Variants in CNR1 observed in about 807,000 individuals in gnomAD.
The protein encoded by CNR1 is cannabinoid receptor 1, also known as cannabinoid receptor 1 (brain).
CNR1 carries 10 observed loss-of-function variants against 23.0 expected under a neutral mutation model. The observed-to-expected ratio is 0.43, with a 90% CI of 0.27 to 0.74. CNR1 has a LOEUF of 0.74. Among genes scored for constraint, CNR1 ranks in the 30% least tolerant of loss-of-function variants. CNR1 has a pLI of 0.19. For synonymous variants in CNR1, 271 were observed against 255.2 expected (o/e 1.06, Z -0.59); for missense variants, 422 against 618.8 (o/e 0.68, Z 3.37).
Position 88,160,178 on chromosome 6 carries a change from A to T in CNR1, c.-64+5625T>A, listed in dbSNP as rs566239754. ...CCCCGTCTGCACGAAAAATACAAAA[A>T]TTAGCCGGGCATGGTAGCATGAGAA... On this transcript the variant is annotated intron_variant, in intron 1 of 1. Coordinates refer to ENST00000369501, the MANE Select transcript of CNR1 (RefSeq NM_016083.6). Among the ~76,000 whole-genome samples the T allele has an allele frequency of 3.5e-3, 526 of 152,188 alleles. 3 individuals are homozygous for T. The highest frequency in any genetic ancestry group is 6.1e-3 in the Non-Finnish European group (413 of 68,002).
At chr6:88,147,071 T>C (rs934154188) in intron 1 of CNR1, among the ~76,000 whole-genome samples, 1 of 152,054 alleles carries the variant, frequency 6.6e-6, no homozygotes, top group Non-Finnish European at 1.5e-5. Flanking sequence ...GGTGGGCATA[T>C]CACGAAGTCA....
chr6:88,143,762 TTA>T lies in CNR1; in HGVS notation c.*92_*93del. ...CACCTTTTCATTGAGCATGGTAAAG[TTA>T]AAAAAATATAACCAAGGAGACAATA... On this transcript the variant is annotated 3_prime_UTR_variant, in exon 2 of 2. Transcript: ENST00000369501. 1 of 901,244 alleles carries T rather than the reference TTA, an allele frequency of 1.1e-6. No individual in the cohort carries two copies. Among genetic ancestry groups the T allele is most frequent in the Non-Finnish European group, 1.7e-6 (1 of 579,282 alleles). The allele number at this position is 901,244 out of a possible 1,614,324, so 55.8% of individuals were successfully genotyped here.
intron 1 of CNR1, among the ~76,000 whole-genome samples, chr6:88,152,351 T>A (rs1290381915): frequency 6.6e-6 from 1 of 152,152 alleles, no homozygotes; most frequent in African/African-American, 2.4e-5. Flanking sequence ...ACCTAAAGAT[T>A]AAAATTTAGT....
chr6:88,153,760 A>T (rs543498569), intron 1 of CNR1, among the ~76,000 whole-genome samples: 6 of 152,224 alleles, frequency 3.9e-5, no homozygotes, highest in Admixed American at 1.3e-4. Flanking sequence ...TAGTAGGGAA[A>T]ATTTTAGTCG....
At chr6:88,145,659 G>C (rs1303021638) in intron 1 of CNR1, among the ~76,000 whole-genome samples, 1 of 152,158 alleles carries the variant, frequency 6.6e-6, no homozygotes, top group Non-Finnish European at 1.5e-5. Flanking sequence ...TGTTTCTTGG[G>C]GACAATGTCC....
At chr6:88,165,326 A>T (rs1778313485) in intron 1 of CNR1, among the ~76,000 whole-genome samples, 1 of 152,214 alleles carries the variant, frequency 6.6e-6, no homozygotes, top group Non-Finnish European at 1.5e-5. Context: ...TTACATGGAC[A>T]TTTGTTTTTC....
rs570863320 is a variant in CNR1, at chr6:88,140,073, T to C, written c.*3783A>G. ...TGACTGAAGCTACATTTAATAACAATCTTACCAGTACTTGTATACAAAGTA... is the reference window on the plus strand; with the variant it reads ...TGACTGAAGCTACATTTAATAACAACCTTACCAGTACTTGTATACAAAGTA... On this transcript the variant is annotated 3_prime_UTR_variant, in exon 2 of 2. Transcript: ENST00000369501. 6.5e-6 allele frequency: 1 copy of C among 152,886 alleles called. No individual in the cohort carries two copies. Among genetic ancestry groups the C allele is most frequent in the South Asian group, 2.1e-4 (1 of 4,822 alleles). The allele number at this position is 152,886 out of a possible 1,614,324, so 9.5% of individuals were successfully genotyped here.
rs1202356775 is a variant in CNR1 at position 88,145,107 on chromosome 6, A to G, written c.168T>C (p.Ser56=). 1.2e-6 allele frequency: 2 copies of G among 1,614,076 alleles called. No individual in the cohort carries two copies. Among genetic ancestry groups the G allele is most frequent in the African/African-American group, 2.7e-5 (2 of 74,992 alleles). Residue 56 remains serine, a synonymous_variant, in exon 2 of 2, where the codon AGT becomes AGC. Transcript: ENST00000369501. ...QKFPLTSFRG[S]PFQEKMTAGD... ...CCGCAGTCATCTTCTCTTGGAAGGG[A>G]CTTCCCCTAAAGGAAGTTAAAGGGA...
chr6:88,148,751 A>G (rs1390680840), intron 1 of CNR1, among the ~76,000 whole-genome samples: 1 of 152,222 alleles, frequency 6.6e-6, no homozygotes, highest in Non-Finnish European at 1.5e-5. Flanking sequence ...GAGGCAAACA[A>G]GAATATTGGC....
intron 1 of CNR1, 103 bp from the exon 2 acceptor site, chr6:88,145,440 C>T (rs1777129014): frequency 1.6e-6 from 1 of 619,070 alleles, no homozygotes; most frequent in African/African-American, 1.8e-5. Flanking sequence ...GCAACTCATT[C>T]CTGTCTCTGA....
At chr6:88,146,842 T>A (rs1293479652) in intron 1 of CNR1, among the ~76,000 whole-genome samples, 2 of 152,208 alleles carry the variant, frequency 1.3e-5, no homozygotes, top group Non-Finnish European at 2.9e-5. Flanking sequence ...TTTAAAAATG[T>A]TGAACTAACA....
chr6:88,154,660 C>A (rs1354887939), intron 1 of CNR1, among the ~76,000 whole-genome samples: 1 of 152,044 alleles, frequency 6.6e-6, no homozygotes. Flanking sequence ...ATCACTGCAA[C>A]CTCCACCTCC....
intron 1 of CNR1, among the ~76,000 whole-genome samples, chr6:88,153,785 A>G (rs1032377596): frequency 1.3e-5 from 2 of 152,242 alleles, no homozygotes; most frequent in African/African-American, 4.8e-5. Context: ...TTATAACTGC[A>G]TTATGTCTAA....
chr6:88,166,386 C>T (rs1189038136), upstream of CNR1: 1 of 152,296 alleles, frequency 6.6e-6, no homozygotes, highest in Non-Finnish European at 1.5e-5. Flanking sequence ...GAAGCGCGGT[C>T]CCATCACGTG....
At chr6:88,164,695 G>A (rs1778280198) in intron 1 of CNR1, among the ~76,000 whole-genome samples, 1 of 152,120 alleles carries the variant, frequency 6.6e-6, no homozygotes, top group African/African-American at 2.4e-5. Context: ...AAGTCCTATG[G>A]GAACCTTAAA....
intron 1 of CNR1, 138 bp from the exon 2 acceptor site, chr6:88,145,475 A>T (rs1237030760): frequency 3.6e-6 from 2 of 549,640 alleles, no homozygotes; most frequent in Non-Finnish European, 6.4e-6. Context: ...AGTTCTCATC[A>T]GATTCAGTCA....
intron 1 of CNR1, among the ~76,000 whole-genome samples, chr6:88,145,798 C>A (rs79643100): frequency 6.6e-6 from 1 of 152,200 alleles, no homozygotes; most frequent in Non-Finnish European, 1.5e-5. Flanking sequence ...GGAGACTTCA[C>A]CTTGTCAGAC....
chr6:88,146,458 C>T (rs2127832193), intron 1 of CNR1, among the ~76,000 whole-genome samples: 1 of 152,232 alleles, frequency 6.6e-6, no homozygotes, highest in African/African-American at 2.4e-5. Flanking sequence ...TGATAGTCCC[C>T]TTCATGAGCA....
chr6:88,165,687 G>C (rs1427502358), intron 1 of CNR1, 116 bp downstream of exon 1: 4 of 152,482 alleles, frequency 2.6e-5, no homozygotes. Context: ...ACCGACGCAC[G>C]ATTCGCTCAC....
Sources: gnomAD v4.1 joint callset for allele counts (sites outside exome capture counted in the v4.1 genomes callset) on GRCh38, gnomAD v4.1.1 for gene constraint, MANE v1.5 for transcripts, NCBI Gene and HGNC (gene_info 2026-07-23, HGNC 2026-07-21) for gene names.